CSMD1: variants seen among roughly 807,000 people sequenced by gnomAD.
The protein encoded by CSMD1 is CUB and Sushi multiple domains 1.
In CSMD1, 213 loss-of-function variants were observed where a neutral mutation model predicts 417.5. The ratio of observed to expected loss-of-function variants is 0.51; its 90% CI spans 0.46 to 0.57. The LOEUF is 0.57. CSMD1 is among the 20% of genes least tolerant of loss of function. The pLI is 0.00. For synonymous variants in CSMD1, 2,862 were observed against 1,736.8 expected (o/e 1.65, Z -16.11); for missense variants, 6,923 against 4,529.7 (o/e 1.53, Z -15.17).
intron 37 of CSMD1, among the ~76,000 whole-genome samples, chr8:3,170,552 C>G (rs1820525268): frequency 6.6e-6 from 1 of 152,198 alleles, no homozygotes; most frequent in African/African-American, 2.4e-5. Context: ...CTTTACCCTC[C>G]CATAGCACAG....
At chr8:4,820,249 T>A (rs903253060) in intron 1 of CSMD1, among the ~76,000 whole-genome samples, 5 of 152,122 alleles carry the variant, frequency 3.3e-5, no homozygotes, top group African/African-American at 1.2e-4. Flanking sequence ...TGACCCGACT[T>A]CACAAAAAAT....
chr8:3,308,201 GA>G (rs1175041928), intron 24 of CSMD1, 110 bp downstream of exon 24: 2 of 801,856 alleles, frequency 2.5e-6, no homozygotes, highest in Non-Finnish European at 3.9e-6. Context: ...ACTCACACTG[GA>G]AAGTGTGATA....
At chr8:4,091,997 G>C (rs966856899) in intron 3 of CSMD1, among the ~76,000 whole-genome samples, 3 of 152,130 alleles carry the variant, frequency 2.0e-5, no homozygotes, top group Admixed American at 2.0e-4. Context: ...CCTAAAAAGT[G>C]AAGCTACTTT....
At chr8:4,497,994 C>G (rs1465107639) in intron 2 of CSMD1, among the ~76,000 whole-genome samples, 6 of 152,132 alleles carry the variant, frequency 3.9e-5, no homozygotes, top group Non-Finnish European at 8.8e-5. Context: ...TGTAAAATGA[C>G]AAGTACAGTA....
chr8:4,928,009 C>A (rs1806986601), intron 1 of CSMD1, among the ~76,000 whole-genome samples: 1 of 152,194 alleles, frequency 6.6e-6, no homozygotes, highest in Non-Finnish European at 1.5e-5. Flanking sequence ...CACCCCACAT[C>A]CTCAGCGGCA....
chr8:4,047,745 G>T (rs911034073), intron 3 of CSMD1, among the ~76,000 whole-genome samples: 8 of 151,780 alleles, frequency 5.3e-5, no homozygotes, highest in African/African-American at 1.5e-4. Flanking sequence ...AATAAATCAA[G>T]AGAAAATGGT....
chr8:4,426,631 A>ATAATG (rs1554472584), intron 2 of CSMD1, among the ~76,000 whole-genome samples: 5 of 146,818 alleles, frequency 3.4e-5, no homozygotes, highest in African/African-American at 9.9e-5. Flanking sequence ...ACTATATAAT[A>ATAATG]TAGTAATATT....
At chr8:3,610,528 G>C (rs955029478) in intron 8 of CSMD1, among the ~76,000 whole-genome samples, 1 of 151,622 alleles carries the variant, frequency 6.6e-6, no homozygotes, top group Non-Finnish European at 1.5e-5. Flanking sequence ...AAATAAATAG[G>C]TCATATAAGT....
At chr8:3,215,704 C>G (rs1797843352) in intron 29 of CSMD1, among the ~76,000 whole-genome samples, 2 of 152,078 alleles carry the variant, frequency 1.3e-5, no homozygotes, top group South Asian at 4.1e-4. Flanking sequence ...TTTTCTGTTT[C>G]AATAGACCAT....
intron 1 of CSMD1, among the ~76,000 whole-genome samples, chr8:4,827,940 G>C (rs899587150): frequency 6.6e-6 from 1 of 152,122 alleles, no homozygotes; most frequent in Admixed American, 6.5e-5. Flanking sequence ...TCATTCATGA[G>C]TTTCAAAAGT....
chr8:3,348,399 G>C (rs1427212193), intron 21 of CSMD1, among the ~76,000 whole-genome samples: 1 of 152,134 alleles, frequency 6.6e-6, no homozygotes, highest in Non-Finnish European at 1.5e-5. Context: ...CTCTGACTAT[G>C]TGGAAGCAGC....
At position 4,146,594 on chromosome 8, in the gene CSMD1, ATTTTTTTTTTTTTTTTTT is replaced by A. The variant is rs71205423; in HGVS notation, c.416-114513_416-114496del. 9.3e-5 allele frequency among the ~76,000 whole-genome samples: 6 copies of A among 64,268 alleles called. No homozygotes were observed. In the East Asian group the frequency reaches 2.8e-3, roughly 30 times the overall value. The allele number at this position is 64,268 out of a possible 152,430, so 42.2% of individuals were successfully genotyped here. On this transcript the variant is annotated intron_variant, in intron 3 of 69. Transcript: ENST00000635120. ...TCTGTCTAAATGTTTATATGGACAC[ATTTTTTTTTTTTTTTTTT>A]TTTTTTTTTTTTTTTTTGAGACAGA...
At chr8:4,621,860 G>T (rs985015498) in intron 2 of CSMD1, among the ~76,000 whole-genome samples, 5 of 151,988 alleles carry the variant, frequency 3.3e-5, no homozygotes, top group Admixed American at 1.3e-4. Flanking sequence ...TCTGGAATGA[G>T]AAGTTGGATT....
At chr8:3,945,236 C>A (rs947304013) in intron 5 of CSMD1, among the ~76,000 whole-genome samples, 2 of 147,220 alleles carry the variant, frequency 1.4e-5, no homozygotes, top group African/African-American at 2.5e-5. Flanking sequence ...TGTCTTTAGA[C>A]GTGAAAAATT....
At chr8:4,874,536 C>T (rs978914944) in intron 1 of CSMD1, among the ~76,000 whole-genome samples, 1 of 151,552 alleles carries the variant, frequency 6.6e-6, no homozygotes, top group Non-Finnish European at 1.5e-5. Flanking sequence ...ATTACGGGTG[C>T]CTGCCACCTC....
intron 3 of CSMD1, among the ~76,000 whole-genome samples, chr8:4,329,873 CAG>C (rs1491007320): frequency 1.4e-5 from 2 of 143,918 alleles, no homozygotes; most frequent in Admixed American, 1.4e-4. Flanking sequence ...CACACACACA[CAG>C]ACACACACAC....
chr8:3,255,387 A>G (rs930830685), intron 26 of CSMD1, among the ~76,000 whole-genome samples: 1 of 152,142 alleles, frequency 6.6e-6, no homozygotes, highest in African/African-American at 2.4e-5. Flanking sequence ...CCACTACTCT[A>G]TGTAAAGCTG....
intron 2 of CSMD1, among the ~76,000 whole-genome samples, chr8:4,611,086 G>C (rs1267952091): frequency 1.3e-5 from 2 of 151,842 alleles, no homozygotes; most frequent in Admixed American, 6.6e-5. Context: ...GAAGACCATA[G>C]AGAATTGCCT....
At chr8:3,249,002 C>A (rs571240166) in intron 26 of CSMD1, among the ~76,000 whole-genome samples, 1 of 152,060 alleles carries the variant, frequency 6.6e-6, no homozygotes, top group Non-Finnish European at 1.5e-5. Flanking sequence ...ACTTGCTGAG[C>A]TCAGATGCTG....
Sources: gnomAD v4.1 joint callset for allele counts (sites outside exome capture counted in the v4.1 genomes callset) on GRCh38, gnomAD v4.1.1 for gene constraint, MANE v1.5 for transcripts, NCBI Gene and HGNC (gene_info 2026-07-23, HGNC 2026-07-21) for gene names.